The following RELN variants were observed in gnomAD, a reference collection of about 807,000 sequenced individuals.
RELN encodes the protein reelin.
RELN carries 108 observed loss-of-function variants against 427.6 expected under a neutral mutation model. The ratio of observed to expected loss-of-function variants is 0.25; its 90% CI spans 0.22 to 0.30. RELN has a LOEUF of 0.30. Ranked by LOEUF, RELN falls within the 10% of genes least tolerant of loss-of-function variation. The probability of loss-of-function intolerance (pLI) is 1.00; values close to 1 mark genes in which losing one functional copy is unlikely to be tolerated. For missense variants in RELN, 3,715 were observed against 4,302.8 expected, an observed-to-expected ratio of 0.86 and a Z score of 3.82; for synonymous variants, 1,524 against 1,513.4, an observed-to-expected ratio of 1.01 and a Z score of -0.16.
At chr7:103,483,562 T>C in intron 62 of RELN, 91 bp downstream of exon 62, 2 of 1,365,954 alleles carry the variant, frequency 1.5e-6, no homozygotes, top group Non-Finnish European at 2.1e-6. Flanking sequence ...GTGCATTAAC[T>C]TTACCCAACT....
chr7:103,476,894 G>A (rs1828055110), intron 64 of RELN, among the ~76,000 whole-genome samples: 1 of 152,128 alleles, frequency 6.6e-6, no homozygotes, highest in Non-Finnish European at 1.5e-5. Flanking sequence ...AACTTTTAAA[G>A]ATTTATTTAT....
At chr7:103,478,802 A>T (rs1230672027) in intron 63 of RELN, among the ~76,000 whole-genome samples, 1 of 152,232 alleles carries the variant, frequency 6.6e-6, no homozygotes, top group Non-Finnish European at 1.5e-5. Context: ...AAAATACAGA[A>T]GTCTCCTATG....
intron 4 of RELN, among the ~76,000 whole-genome samples, chr7:103,761,797 T>C (rs1179472310): frequency 6.6e-6 from 1 of 152,204 alleles, no homozygotes; most frequent in Non-Finnish European, 1.5e-5. Context: ...TAGCAACTTT[T>C]AAAAATCCTA....
intron 3 of RELN, among the ~76,000 whole-genome samples, chr7:103,792,681 G>A (rs1246769671): frequency 6.6e-6 from 1 of 151,608 alleles, no homozygotes; most frequent in African/African-American, 2.4e-5. Flanking sequence ...GTATATCTGT[G>A]GATATACTAA....
Position 103,818,341 on chromosome 7 carries a change from A to T in RELN, c.473+15196T>A, listed in dbSNP as rs532757365. On this transcript the variant is annotated intron_variant, in intron 3 of 64. Transcript: ENST00000428762. ...TTGAAATCCAACAATGAAACAGAAA[A>T]TACTGCAAAATGAGAAACAATGTTT... Among the ~76,000 whole-genome samples, 9 of 152,318 alleles carry T rather than the reference A, an allele frequency of 5.9e-5. No homozygotes were observed. In the South Asian group the frequency reaches 1.7e-3, roughly 28 times the overall value.
intron 38 of RELN, 110 bp downstream of exon 38, chr7:103,556,867 T>C (rs1830534181): frequency 9.1e-6 from 8 of 882,458 alleles, no homozygotes; most frequent in Middle Eastern, 4.3e-4. Flanking sequence ...ATGTGTGTGC[T>C]GTGGACAGCT....
intron 63 of RELN, among the ~76,000 whole-genome samples, chr7:103,480,542 C>T (rs948570157): frequency 1.3e-5 from 2 of 152,082 alleles, no homozygotes; most frequent in African/African-American, 4.8e-5. Context: ...CAGAGCAAAA[C>T]ATCAAAAACA....
At chr7:103,584,892 T>C (rs962636832) in intron 28 of RELN, among the ~76,000 whole-genome samples, 1 of 152,100 alleles carries the variant, frequency 6.6e-6, no homozygotes, top group Non-Finnish European at 1.5e-5. Context: ...TAGAATTAGA[T>C]ATCAATACCA....
intron 27 of RELN, among the ~76,000 whole-genome samples, chr7:103,590,080 G>C (rs1831374657): frequency 6.6e-6 from 1 of 152,194 alleles, no homozygotes; most frequent in East Asian, 1.9e-4. Flanking sequence ...GGAGAGAAGA[G>C]AGAAGCACAG....
intron 20 of RELN, among the ~76,000 whole-genome samples, chr7:103,624,272 C>G (rs779667209): frequency 2.0e-5 from 3 of 152,056 alleles, no homozygotes; most frequent in Admixed American, 6.6e-5. Context: ...CTTGGGCCAC[C>G]CACACTGCAA....
chr7:103,756,664 G>A (rs1178401147), intron 4 of RELN, among the ~76,000 whole-genome samples: 1 of 152,102 alleles, frequency 6.6e-6, no homozygotes, highest in Non-Finnish European at 1.5e-5. Flanking sequence ...TTTATTATAA[G>A]TGGTCTGGGG....
intron 1 of RELN, among the ~76,000 whole-genome samples, chr7:103,975,515 G>GTATTTATT (rs1554451147): frequency 0.041 from 5,848 of 141,492 alleles, 184 homozygotes; most frequent in East Asian, 0.11. Context: ...GAATGGAGCA[G>GTATTTATT]TATTTATTTA....
chr7:103,895,089 T>C (rs1794930102), intron 2 of RELN, among the ~76,000 whole-genome samples: 1 of 152,168 alleles, frequency 6.6e-6, no homozygotes, highest in Non-Finnish European at 1.5e-5. Context: ...CAGATTCTTC[T>C]AGGTACGACT....
At chr7:103,681,983 G>A (rs905930922) in intron 11 of RELN, 133 bp downstream of exon 11, 5 of 887,692 alleles carry the variant, frequency 5.6e-6, no homozygotes, top group South Asian at 2.7e-5. Context: ...CACCCCTTTT[G>A]GCTTGTCTAC....
intron 10 of RELN, among the ~76,000 whole-genome samples, chr7:103,695,251 G>T (rs770365406): frequency 3.3e-5 from 5 of 152,038 alleles, no homozygotes; most frequent in Non-Finnish European, 5.9e-5. Context: ...AAAAACAAAA[G>T]GGCAGTCATG....
chr7:103,577,933 A>C (rs981790072), intron 28 of RELN, among the ~76,000 whole-genome samples: 5 of 152,352 alleles, frequency 3.3e-5, no homozygotes, highest in African/African-American at 9.6e-5. Flanking sequence ...TTCTTTCCCC[A>C]GCTTCAGGCT....
At chr7:103,962,646 TTGTGTGTGTGTGTGTG>T (rs57782980) in intron 1 of RELN, among the ~76,000 whole-genome samples, 2 of 149,816 alleles carry the variant, frequency 1.3e-5, no homozygotes, top group South Asian at 2.1e-4. Flanking sequence ...TCCAAAGTTG[TTGTGTGTGTGTGTGTG>T]TGTGTGTGTG....
intron 2 of RELN, among the ~76,000 whole-genome samples, chr7:103,882,910 G>C (rs1000566699): frequency 6.6e-6 from 1 of 152,160 alleles, no homozygotes; most frequent in Non-Finnish European, 1.5e-5. Flanking sequence ...AAAAGAAAAA[G>C]AGGGACTCCT....
In RELN at chr7:103,749,434, TG is replaced by T; in HGVS notation, c.647del (p.Pro216GlnfsTer36). On this transcript the variant is annotated frameshift_variant, in exon 6 of 65. Coordinates refer to ENST00000428762, the MANE Select transcript of RELN (RefSeq NM_005045.4). LOFTEE classifies it high-confidence loss of function. ...FDSYHQLQLNPNIWVECNNCE... is the reference protein window; with the variant it reads ...FDSYHQLQLNXNIWVECNNCE... ...ATGTTCCTGTAACTTACCATATATT[TG>T]GATTTAATTGCAGTTGGTGGTAGGA... 6.2e-7 allele frequency: 1 copy of T among 1,611,718 alleles called. No homozygotes were observed. The highest frequency in any genetic ancestry group is 8.5e-7 in the Non-Finnish European group (1 of 1,177,864).
Sources: gnomAD v4.1 joint callset for allele counts (sites outside exome capture counted in the v4.1 genomes callset) on GRCh38, gnomAD v4.1.1 for gene constraint, MANE v1.5 for transcripts, NCBI Gene and HGNC (gene_info 2026-07-23, HGNC 2026-07-21) for gene names.